Variants in TAB2 observed in about 807,000 individuals in gnomAD.
The protein encoded by TAB2 is TGF-beta-activated kinase 1 and MAP3K7-binding protein 2.
TAB2 carries 3 observed loss-of-function variants against 65.0 expected under a neutral mutation model. The ratio of observed to expected loss-of-function variants is 0.05; its 90% CI spans 0.02 to 0.12. The LOEUF (loss-of-function observed/expected upper bound fraction) is 0.12. TAB2 is among the 10% of genes least tolerant of loss of function. TAB2 has a pLI of 1.00. For synonymous variants in TAB2, 298 were observed against 285.1 expected, an observed-to-expected ratio of 1.05 and a Z score of -0.46; for missense variants, 623 against 840.3, an observed-to-expected ratio of 0.74 and a Z score of 3.20.
At chr6:149,325,026 T>G (rs1359806179) in intron 1 of TAB2, among the ~76,000 whole-genome samples, 1 of 152,106 alleles carries the variant, frequency 6.6e-6, no homozygotes, top group African/African-American at 2.4e-5. Context: ...AAAATACTGC[T>G]TTTGGTTTTT....
intron 6 of TAB2, among the ~76,000 whole-genome samples, chr6:149,408,579 T>C (rs887231178): frequency 1.3e-5 from 2 of 152,330 alleles, no homozygotes; most frequent in African/African-American, 4.8e-5. Flanking sequence ...TACATTGTTT[T>C]AACATAGGTT....
At chr6:149,337,117 C>T (rs1208656516) in intron 1 of TAB2, among the ~76,000 whole-genome samples, 1 of 152,038 alleles carries the variant, frequency 6.6e-6, no homozygotes, top group East Asian at 1.9e-4. Context: ...ATTACTACTT[C>T]AGAATTATGG....
At chr6:149,343,211 A>C (rs1780184140) in intron 1 of TAB2, among the ~76,000 whole-genome samples, 1 of 152,224 alleles carries the variant, frequency 6.6e-6, no homozygotes, top group Non-Finnish European at 1.5e-5. Context: ...TAATGAAACT[A>C]CTTCCCTCTT....
chr6:149,328,956 G>A (rs1313096986), intron 1 of TAB2, among the ~76,000 whole-genome samples: 1 of 152,034 alleles, frequency 6.6e-6, no homozygotes, highest in Non-Finnish European at 1.5e-5. Flanking sequence ...GGTCTTTTTA[G>A]ATAGAGAGAA....
intron 1 of TAB2, among the ~76,000 whole-genome samples, chr6:149,222,798 C>T (rs763906841): frequency 1.3e-5 from 2 of 152,054 alleles, no homozygotes; most frequent in African/African-American, 4.8e-5. Flanking sequence ...TAGGCAGCAG[C>T]GCAAGACTGT....
chr6:149,365,662 T>C (rs1351140744), intron 1 of TAB2, among the ~76,000 whole-genome samples: 1 of 152,132 alleles, frequency 6.6e-6, no homozygotes, highest in African/African-American at 2.4e-5. Flanking sequence ...TATATTTTAC[T>C]AACAAAATTT....
At chr6:149,400,343 C>T (rs1468537129) in intron 6 of TAB2, 2 of 1,588,588 alleles carry the variant, frequency 1.3e-6, no homozygotes, top group African/African-American at 1.3e-5. Context: ...AGGTGCGGAC[C>T]CGCCACCTCT....
intron 1 of TAB2, among the ~76,000 whole-genome samples, chr6:149,327,552 T>G (rs181117413): frequency 6.6e-6 from 1 of 152,326 alleles, no homozygotes; most frequent in Non-Finnish European, 1.5e-5. Context: ...ATGTTGCAGA[T>G]GTATGTAGGT....
chr6:149,222,605 G>A (rs1384752323), intron 1 of TAB2, among the ~76,000 whole-genome samples: 2 of 142,878 alleles, frequency 1.4e-5, no homozygotes, highest in Admixed American at 1.4e-4. Context: ...GCAACAGAGC[G>A]AGACTCTGTC....
chr6:149,318,490 G>C (rs148540763), intron 1 of TAB2: 1 of 150,616 alleles, frequency 6.6e-6, no homozygotes, highest in South Asian at 2.1e-4. Context: ...ACAGACACGG[G>C]GCAGTTATGT....
intron 1 of TAB2, among the ~76,000 whole-genome samples, chr6:149,326,107 A>G (rs1254410506): frequency 2.0e-5 from 3 of 152,184 alleles, no homozygotes; most frequent in African/African-American, 7.2e-5. Flanking sequence ...TTGCTATAGT[A>G]CCAAGAAGAG....
rs1782813117 is a variant in TAB2 at position 149,410,462 on chromosome 6, T to C, written c.*743T>C. ...GCCTTTTGTTAACTAATTTTCTTTT[T>C]TCCTTTTAGTAATTAAGCACGATCA... On this transcript the variant is annotated 3_prime_UTR_variant, in exon 7 of 7. Coordinates refer to ENST00000637181, the MANE Select transcript of TAB2 (RefSeq NM_001292034.3). The C allele has an allele frequency of 6.5e-6, 1 of 152,688 alleles. No homozygotes were observed. The highest frequency in any genetic ancestry group is 1.5e-5 in the Non-Finnish European group (1 of 68,062). 9.5% of individuals were successfully genotyped at this position (152,688 alleles called of 1,614,324 possible). A position where few individuals can be genotyped will look rare whatever the true frequency, so the allele number is the denominator to read the frequency against.
chr6:149,357,261 C>CA (rs1430125777), intron 1 of TAB2, among the ~76,000 whole-genome samples: 1 of 151,794 alleles, frequency 6.6e-6, no homozygotes, highest in African/African-American at 2.4e-5. Flanking sequence ...ACTAAAAATA[C>CA]AAAAACTAAT....
At chr6:149,249,771 ACAGT>A (rs1188678102) in intron 1 of TAB2, among the ~76,000 whole-genome samples, 3 of 152,232 alleles carry the variant, frequency 2.0e-5, no homozygotes, top group Middle Eastern at 3.4e-3. Context: ...TCATTTACTG[ACAGT>A]CAGTAACTGC....
At chr6:149,259,864 G>A (rs1778116601) in intron 1 of TAB2, among the ~76,000 whole-genome samples, 1 of 152,122 alleles carries the variant, frequency 6.6e-6, no homozygotes, top group African/African-American at 2.4e-5. Flanking sequence ...CCTCCCCTTG[G>A]TTCCTCCACT....
intron 1 of TAB2, among the ~76,000 whole-genome samples, chr6:149,280,931 CAAAAAA>C (rs9322172): frequency 1.7e-5 from 2 of 115,070 alleles, no homozygotes; most frequent in African/African-American, 3.2e-5. Context: ...GACCTCGTCT[CAAAAAA>C]AAAAAAAAAA....
intron 1 of TAB2, among the ~76,000 whole-genome samples, chr6:149,364,738 A>T (rs1278613338): frequency 6.7e-6 from 1 of 148,706 alleles, no homozygotes; most frequent in African/African-American, 2.5e-5. Context: ...TTTTCATAAG[A>T]CCTATATATC....
intron 1 of TAB2, among the ~76,000 whole-genome samples, chr6:149,248,482 A>AAGAG (rs564507597): frequency 3.2e-4 from 42 of 133,260 alleles, no homozygotes; most frequent in Admixed American, 1.0e-3. Context: ...GAAAGAAAGA[A>AAGAG]AGAGAGAGAG....
intron 1 of TAB2, among the ~76,000 whole-genome samples, chr6:149,275,139 T>TTTTTA (rs56122402): frequency 0.38 from 42,581 of 113,260 alleles, 7,679 homozygotes; most frequent in East Asian, 0.58. Context: ...TTTTTTTTTT[T>TTTTTA]TTTTGAGTTG....
Sources: gnomAD v4.1 joint callset for allele counts (sites outside exome capture counted in the v4.1 genomes callset) on GRCh38, gnomAD v4.1.1 for gene constraint, MANE v1.5 for transcripts, NCBI Gene and HGNC (gene_info 2026-07-23, HGNC 2026-07-21) for gene names.